The following BAZ2A variants were observed in gnomAD, a reference collection of about 807,000 sequenced individuals.
BAZ2A encodes bromodomain adjacent to zinc finger domain protein 2A.
A neutral mutation model predicts 199.9 loss-of-function variants in BAZ2A; 34 were observed. The ratio of observed to expected loss-of-function variants is 0.17; its 90% CI spans 0.13 to 0.23. BAZ2A has a LOEUF of 0.23. Ranked by LOEUF, BAZ2A falls within the 10% of genes least tolerant of loss-of-function variation. The pLI, the probability that BAZ2A is intolerant of heterozygous loss-of-function variation, is 1.00. For missense variants in BAZ2A, 2,002 were observed against 2,391.1 expected (o/e 0.84, Z 3.39); for synonymous variants, 857 against 883.9 (o/e 0.97, Z 0.54).
chr12:56,597,539 A>C lies in BAZ2A; in HGVS notation c.*1079T>G. 7.3e-6 allele frequency: 1 copy of C among 137,546 alleles called. No homozygotes were observed. Among genetic ancestry groups the C allele is most frequent in the Non-Finnish European group, 1.6e-5 (1 of 64,510 alleles). 8.5% of individuals were successfully genotyped at this position (137,546 alleles called of 1,614,324 possible). Reference sequence around the variant, plus strand: ...TTGGGGAAACTGAATGGATCCTATCAAACAATACAGGGTCACAAGCACGCA... The same window carrying C: ...TTGGGGAAACTGAATGGATCCTATCCAACAATACAGGGTCACAAGCACGCA... On this transcript the variant is annotated 3_prime_UTR_variant, in exon 29 of 29. Coordinates refer to ENST00000549884, the MANE Select transcript of BAZ2A (RefSeq NM_001300905.2).
rs775758301 is a variant in BAZ2A at position 56,599,203 on chromosome 12, C to T, written c.5328G>A (p.Ser1776=). 51 of 1,613,164 alleles carry T rather than the reference C, an allele frequency of 3.2e-5. No homozygotes were observed. Among genetic ancestry groups the T allele is most frequent in the African/African-American group, 6.7e-5 (5 of 74,896 alleles). ...RESPAAGPRY[S]EEGLSPSKRR... ...GCTTGGAGGGGGAGAGCCCTTCTTC[C>T]GAGTACCGAGGCCCTGCTGCTGGGC... The change falls in exon 27 of 29, where the codon TCG becomes TCA. Residue 1776 remains serine, a synonymous_variant. Transcript: ENST00000549884.
In BAZ2A at chr12:56,605,252, C is replaced by G. The variant is rs765345807; in HGVS notation, c.2569G>C (p.Glu857Gln). The change falls in exon 14 of 29, where the codon GAG becomes CAG. Residue 857 changes from glutamate to glutamine, a missense_variant. Glu to Gln is a conservative substitution (Grantham distance 29). Coordinates refer to ENST00000549884, the MANE Select transcript of BAZ2A (RefSeq NM_001300905.2). Reference protein sequence around the residue: ...GAFSDCLTIVEFLHSFGKVLG... With the variant: ...GAFSDCLTIVQFLHSFGKVLG... ...ACCTTGCCAAAGCTATGCAGGAACT[C>G]CACAATGGTCAAGCAGTCTGAGAAG... 1.1e-5 allele frequency: 17 copies of G among 1,613,634 alleles called. No individual in the cohort carries two copies. In the South Asian group the frequency reaches 1.9e-4, roughly 18 times the overall value.
At chr12:56,602,880 G>T (rs765471832) in intron 18 of BAZ2A, 23 bp from the exon 19 acceptor site, 6 of 1,597,538 alleles carry the variant, frequency 3.8e-6, no homozygotes, top group Non-Finnish European at 5.1e-6. Context: ...TGAAAATGAA[G>T]ATGAATAAAC....
intron 11 of BAZ2A, 106 bp downstream of exon 11, chr12:56,606,527 G>A: frequency 2.4e-6 from 3 of 1,273,568 alleles, no homozygotes; most frequent in Admixed American, 1.7e-5. Context: ...GGGTAATGAA[G>A]ATATGCTGCT....
chr12:56,602,842 G>A lies in BAZ2A; in HGVS notation c.3295C>T (p.Arg1099Cys), dbSNP rs745512484. ...TGGGATGAGTGAAGCAGCTTTTTGC[G>A]AAAGAAAAGCTGACGCTGGGTAGAC... ...EKLSKRQLFF[R>C]KKLLHSSQML... The change falls in exon 19 of 29, where the codon CGC (arginine) becomes TGC (cysteine). Residue 1099 changes from arginine (R) to cysteine (C), a missense_variant. Coordinates refer to ENST00000549884, the MANE Select transcript of BAZ2A (RefSeq NM_001300905.2). 10 of 1,611,700 alleles carry A rather than the reference G, an allele frequency of 6.2e-6. No individual in the cohort carries two copies. Among genetic ancestry groups the A allele is most frequent in the South Asian group, 5.5e-5 (5 of 90,876 alleles).
At position 56,599,258 on chromosome 12, in the gene BAZ2A, C is replaced by A. The variant is rs374233405; in HGVS notation, c.5273G>T (p.Arg1758Leu). The A allele has an allele frequency of 6.8e-6, 11 of 1,613,200 alleles. No individual in the cohort carries two copies. The highest frequency in any genetic ancestry group is 9.3e-6 in the Non-Finnish European group (11 of 1,179,746). Reference sequence around the variant, plus strand: ...TCGGCCCCTCAACAGTACCCGGCGTCGGCGGCCATCACCCTCTGAGAAGTT... The same window carrying A: ...TCGGCCCCTCAACAGTACCCGGCGTAGGCGGCCATCACCCTCTGAGAAGTT... ...SLNFSEGDGR[R>L]RRVLLRGRES... The change falls in exon 27 of 29, where the codon CGA becomes CTA. Residue 1758 changes from arginine to leucine, a missense_variant. Coordinates refer to ENST00000549884, the MANE Select transcript of BAZ2A (RefSeq NM_001300905.2).
At chr12:56,605,696 A>T in intron 13 of BAZ2A, 134 bp downstream of exon 13, 1 of 1,016,882 alleles carries the variant, frequency 9.8e-7, no homozygotes, top group Non-Finnish European at 1.4e-6. Flanking sequence ...TGCTGGGATT[A>T]CAGTGTGAGC....
chr12:56,604,970 G>C, intron 14 of BAZ2A, 103 bp downstream of exon 14: 1 of 1,447,392 alleles, frequency 6.9e-7, no homozygotes, highest in Non-Finnish European at 9.2e-7. Context: ...AAGGAGAGGA[G>C]TCAGGAAGAA....
chr12:56,624,851 C>A (rs1346361128), intron 1 of BAZ2A, among the ~76,000 whole-genome samples: 2 of 152,074 alleles, frequency 1.3e-5, no homozygotes, highest in Non-Finnish European at 2.9e-5. Context: ...GAGTCCAGGA[C>A]CTGGAGGCTG....
intron 15 of BAZ2A, 112 bp from the exon 16 acceptor site, chr12:56,604,403 G>A (rs529888806): frequency 3.0e-6 from 4 of 1,337,386 alleles, no homozygotes; most frequent in Admixed American, 2.1e-5. Context: ...ACCCAGATTG[G>A]GTGAATGGCA....
Position 56,602,003 on chromosome 12 carries a change from G to A in BAZ2A, c.3614C>T (p.Ser1205Phe). 3 of 1,555,128 alleles carry A rather than the reference G, an allele frequency of 1.9e-6. No individual in the cohort carries two copies. Among genetic ancestry groups the A allele is most frequent in the Non-Finnish European group, 2.6e-6 (3 of 1,148,740 alleles). ...TTCTGAATCCTGACCCCTGACAGGG[G>A]ACTTAAGATGCCTAGGTTGCATAGA... is the stretch of plus-strand genomic sequence containing the variant. ...PGSMQPRHLK[S>F]PVRGQDSEQP... Residue 1205 changes from serine to phenylalanine, a missense_variant, in exon 20 of 29, where the codon TCC (serine) becomes TTC (phenylalanine). By Grantham distance (155) the Ser-to-Phe change is radical. Transcript: ENST00000549884.
rs1449536825 is a variant in BAZ2A at position 56,606,666 on chromosome 12, T to G, written c.2160A>C (p.Gln720His). ...GGATAGTAGTCTGACACTCTCCCCG[T>G]TGAACCTTCTGCCTCATCTTCTTCT... The part of the protein sequence containing the change: ...KSKKKMRQKV[Q>H]RGECQTTIQG... The change falls in exon 11 of 29, where the codon CAA (glutamine) becomes CAC (histidine). Residue 720 changes from glutamine (Q) to histidine (H), a missense_variant. This residue lies in a region of BAZ2A where 1,081 missense variants were observed against 1,274.7 expected (regional missense o/e 0.85). Transcript: ENST00000549884. 6.2e-7 allele frequency: 1 copy of G among 1,613,852 alleles called. No homozygotes were observed. The highest frequency in any genetic ancestry group is 8.5e-7 in the Non-Finnish European group (1 of 1,179,884).
intron 9 of BAZ2A, 41 bp from the exon 10 acceptor site, chr12:56,609,987 G>A: frequency 2.5e-6 from 4 of 1,608,228 alleles, no homozygotes; most frequent in Non-Finnish European, 3.4e-6. Flanking sequence ...TAAGGAATCA[G>A]TGCAGGCCAC....
chr12:56,638,184 G>T (rs944551991), upstream of BAZ2A: 30 of 675,026 alleles, frequency 4.4e-5, no homozygotes, highest in South Asian at 5.4e-4. Flanking sequence ...ATTCTGAGGG[G>T]TGTACATTTT....
intron 22 of BAZ2A, 37 bp downstream of exon 22, chr12:56,600,906 G>A (rs1592554676): frequency 1.2e-6 from 2 of 1,612,088 alleles, no homozygotes; most frequent in East Asian, 4.5e-5. Context: ...CTTATCCTGG[G>A]CTCTTCAGCT....
At position 56,604,306 on chromosome 12, in the gene BAZ2A, G is replaced by A. The variant is rs1452224141; in HGVS notation, c.2964-15C>T. 2 of 1,600,550 alleles carry A rather than the reference G, an allele frequency of 1.2e-6. No homozygotes were observed. Among genetic ancestry groups the A allele is most frequent in the Non-Finnish European group, 1.7e-6 (2 of 1,172,216 alleles). The stretch of plus-strand genomic sequence containing the variant: ...TGTCAATCTCACTGCAGGGGAATAG[G>A]GAATAGGATGAAGTGGCAGCACAAA... On this transcript the variant is annotated splice_polypyrimidine_tract_variant and intron_variant, in intron 15 of 28. Coordinates refer to ENST00000549884, the MANE Select transcript of BAZ2A (RefSeq NM_001300905.2).
chr12:56,600,877 C>T (rs1230996442), intron 22 of BAZ2A, 45 bp from the exon 23 acceptor site: 2 of 1,611,286 alleles, frequency 1.2e-6, no homozygotes, highest in Non-Finnish European at 8.5e-7. Flanking sequence ...AGGCTGTTGT[C>T]CCTAGCAGCA....
At chr12:56,604,472 C>T in intron 15 of BAZ2A, 113 bp downstream of exon 15, 2 of 1,365,034 alleles carry the variant, frequency 1.5e-6, no homozygotes. Flanking sequence ...ATTCCAGCAT[C>T]TTCAGAACAT....
intron 7 of BAZ2A, 69 bp downstream of exon 7, chr12:56,611,504 T>C: frequency 6.7e-7 from 1 of 1,481,986 alleles, no homozygotes; most frequent in Non-Finnish European, 9.4e-7. Context: ...AAAAGAGGCA[T>C]TCCCTTCTTT....
Sources: allele counts gnomAD v4.1 joint callset (sites outside exome capture counted in the v4.1 genomes callset), GRCh38; gene constraint gnomAD v4.1.1; regional missense constraint gnomAD v4.1.1; transcripts MANE v1.5; gene names NCBI Gene and HGNC (gene_info 2026-07-23, HGNC 2026-07-21).